The following FMN2 variants were observed in gnomAD, a reference collection of about 807,000 sequenced individuals.
FMN2 encodes the protein formin-2.
In FMN2, 51 loss-of-function variants were observed where a neutral mutation model predicts 142.3. That is an observed-to-expected ratio of 0.36 (90% CI 0.29 to 0.45). The LOEUF is 0.45. Among genes scored for constraint, FMN2 ranks in the 20% least tolerant of loss-of-function variants. The pLI is 1.00. For synonymous variants in FMN2, 882 were observed against 869.8 expected (o/e 1.01, Z -0.25); for missense variants, 1,936 against 2,122.8 (o/e 0.91, Z 1.73).
rs905719202 is a variant in FMN2 at position 240,125,608 on chromosome 1, G to C, written c.1782+2263G>C. 2.6e-5 allele frequency among the ~76,000 whole-genome samples: 4 copies of C among 152,194 alleles called. No individual in the cohort carries two copies. The East Asian group carries it at 5.8e-4, about 22-fold the overall frequency. ...TAGCACTTGCTTTTTGATTCAAACT[G>C]TTCCCAAGTTAACGGCATTTTCCTC... On this transcript the variant is annotated intron_variant, in intron 2 of 17. Coordinates refer to ENST00000319653, the MANE Select transcript of FMN2 (RefSeq NM_020066.5).
chr1:240,294,687 G>T, intron 7 of FMN2, 135 bp from the exon 8 acceptor site: 1 of 716,794 alleles, frequency 1.4e-6, no homozygotes, highest in East Asian at 2.7e-5. Flanking sequence ...GCTTTGCAGT[G>T]GGGGCAAGGG....
chr1:240,162,658 CATT>C (rs1664326250), intron 2 of FMN2, among the ~76,000 whole-genome samples: 1 of 151,938 alleles, frequency 6.6e-6, no homozygotes, highest in African/African-American at 2.4e-5. Flanking sequence ...TTATTTCTGA[CATT>C]AGTTATTTGT....
chr1:240,262,073 GC>G (rs940536922), intron 7 of FMN2, among the ~76,000 whole-genome samples: 2 of 151,634 alleles, frequency 1.3e-5, no homozygotes, highest in African/African-American at 4.9e-5. Flanking sequence ...TGCCAGTATA[GC>G]CCTTTTTTTT....
intron 7 of FMN2, among the ~76,000 whole-genome samples, chr1:240,266,262 G>C (rs1668800320): frequency 6.6e-6 from 1 of 151,866 alleles, no homozygotes; most frequent in East Asian, 1.9e-4. Context: ...TTAGCTCCCA[G>C]TTATAAGTTA....
intron 15 of FMN2, among the ~76,000 whole-genome samples, chr1:240,396,417 A>G (rs1172660765): frequency 6.6e-6 from 1 of 151,326 alleles, no homozygotes; most frequent in African/African-American, 2.4e-5. Context: ...CAAGCTGACA[A>G]TTCTGGTAGG....
At chr1:240,184,991 C>G (rs1485130805) in intron 3 of FMN2, among the ~76,000 whole-genome samples, 23 of 149,880 alleles carry the variant, frequency 1.5e-4, no homozygotes, top group African/African-American at 4.2e-4. Context: ...TTCTCTTTCT[C>G]CCTCCTATAC....
In FMN2 at chr1:240,092,214, A is replaced by G. The variant is rs1165631629; in HGVS notation, c.105A>G (p.Thr35=). ...TGGGGCCCAGGGATGTGGAAGCCACAAAGAAGGGGAGCGGGGGCAAGAAGG... is the reference window on the plus strand; with the variant it reads ...TGGGGCCCAGGGATGTGGAAGCCACGAAGAAGGGGAGCGGGGGCAAGAAGG... ...DALGPRDVEA[T]KKGSGGKKAL... Residue 35 remains threonine, a synonymous_variant, in exon 1 of 18, where the codon ACA becomes ACG. Coordinates refer to ENST00000319653, the MANE Select transcript of FMN2 (RefSeq NM_020066.5). 1 of 1,572,130 alleles carries G rather than the reference A, an allele frequency of 6.4e-7. No individual in the cohort carries two copies. The highest frequency in any genetic ancestry group is 1.8e-5 in the Admixed American group (1 of 55,690).
chr1:240,334,182 T>C lies in FMN2; in HGVS notation c.4718T>C (p.Phe1573Ser), dbSNP rs765454353. ...CTTTTTCAGGCCTCACAGATGAAGT[T>C]TGAAGATTTTCAAAAAGATCTCAGA... ...QDLFQASQMK[F>S]EDFQKDLRKL... is the part of the protein sequence containing the mutation. Residue 1573 changes from phenylalanine to serine, a missense_variant, in exon 13 of 18, where the codon TTT becomes TCT. Phe to Ser is a radical substitution (Grantham distance 155). Transcript: ENST00000319653. 6.2e-7 allele frequency: 1 copy of C among 1,607,242 alleles called. No homozygotes were observed. Among genetic ancestry groups the C allele is most frequent in the East Asian group, 2.2e-5 (1 of 44,688 alleles).
chr1:240,438,022 T>C, intron 15 of FMN2, 39 bp from the exon 16 acceptor site: 3 of 1,591,084 alleles, frequency 1.9e-6, no homozygotes, highest in Non-Finnish European at 2.6e-6. Flanking sequence ...TGGAAAGTAA[T>C]CATGGCTTTT....
intron 14 of FMN2, among the ~76,000 whole-genome samples, chr1:240,388,877 A>AAAG (rs1491200861): frequency 7.4e-6 from 1 of 135,830 alleles, no homozygotes; most frequent in African/African-American, 2.8e-5. Flanking sequence ...AAAAAAAAAA[A>AAAG]GGGGGGGGGT....
In FMN2 at chr1:240,460,541, C is replaced by T. The variant is rs1475738836; in HGVS notation, c.5061-11831C>T. ...CCAGTGAGACAAGATCATGCCACTG[C>T]ACTCCTGCCTGGGTGACAGAGCAAA... On this transcript the variant is annotated intron_variant, in intron 16 of 17. Coordinates refer to ENST00000319653, the MANE Select transcript of FMN2 (RefSeq NM_020066.5). 8.5e-5 allele frequency among the ~76,000 whole-genome samples: 13 copies of T among 152,174 alleles called. No homozygotes were observed. In the East Asian group the frequency reaches 2.5e-3, roughly 29 times the overall value.
chr1:240,169,804 G>T (rs1242532340), intron 2 of FMN2, among the ~76,000 whole-genome samples: 1 of 152,158 alleles, frequency 6.6e-6, no homozygotes, highest in Non-Finnish European at 1.5e-5. Context: ...TGGTTATAAA[G>T]AAATCAGTGA....
intron 6 of FMN2, among the ~76,000 whole-genome samples, chr1:240,255,331 C>T (rs941142873): frequency 4.6e-5 from 7 of 152,112 alleles, no homozygotes. Flanking sequence ...TACCAGGTGC[C>T]TCTAGTCAGC....
In FMN2 at chr1:240,207,299, G is replaced by A. The variant is rs1372491335; in HGVS notation, c.2487G>A (p.Pro829=). 1.1e-5 allele frequency: 17 copies of A among 1,613,682 alleles called. No individual in the cohort carries two copies. Among genetic ancestry groups the A allele is most frequent in the East Asian group, 4.5e-5 (2 of 44,860 alleles). Residue 829 remains proline, a synonymous_variant, in exon 5 of 18, where the codon CCG becomes CCA. Transcript: ENST00000319653. ...SAGQGQPGSQ[P]PHSISTEFQT... ...GGCAAGGACAGCCTGGGTCACAGCC[G>A]CCCCATTCTATTTCTACCGAGTTTC... is the stretch of plus-strand genomic sequence containing the variant.
chr1:240,431,405 TA>T (rs751884852), intron 15 of FMN2, among the ~76,000 whole-genome samples: 2,194 of 18,644 alleles, frequency 0.12, 25 homozygotes, highest in South Asian at 0.34. Context: ...CCATGTTTTA[TA>T]TATATATATA....
At chr1:240,147,629 A>C (rs1663547129) in intron 2 of FMN2, among the ~76,000 whole-genome samples, 1 of 152,160 alleles carries the variant, frequency 6.6e-6, no homozygotes, top group Non-Finnish European at 1.5e-5. Flanking sequence ...AAGTGCTAGG[A>C]ATACAGGTGT....
chr1:240,290,375 G>A (rs1669739026), intron 7 of FMN2, among the ~76,000 whole-genome samples: 1 of 152,128 alleles, frequency 6.6e-6, no homozygotes, highest in Non-Finnish European at 1.5e-5. Flanking sequence ...TTCATGATGA[G>A]AATAGCTATT....
chr1:240,118,194 T>C (rs769122262), intron 1 of FMN2, among the ~76,000 whole-genome samples: 2 of 152,080 alleles, frequency 1.3e-5, no homozygotes, highest in African/African-American at 2.4e-5. Flanking sequence ...TGTGACTGAT[T>C]GGGGCTGTTG....
chr1:240,408,904 A>G (rs1674301730), intron 15 of FMN2, among the ~76,000 whole-genome samples: 6 of 152,168 alleles, frequency 3.9e-5, no homozygotes, highest in Admixed American at 2.0e-4. Context: ...TTCAAAATCT[A>G]TATTCAGGGC....
Sources: allele counts gnomAD v4.1 joint callset (sites outside exome capture counted in the v4.1 genomes callset), GRCh38; gene constraint gnomAD v4.1.1; transcripts MANE v1.5; gene names NCBI Gene and HGNC (gene_info 2026-07-23, HGNC 2026-07-21).